Variants in DLG1 observed in about 807,000 individuals in gnomAD.
The protein encoded by DLG1 is disks large homolog 1.
A neutral mutation model predicts 123.4 loss-of-function variants in DLG1; 42 were observed. That is an observed-to-expected ratio of 0.34 (90% confidence interval 0.27 to 0.44). The LOEUF is 0.44. Among genes scored for constraint, DLG1 ranks in the 20% least tolerant of loss-of-function variants. The pLI, the probability that DLG1 is intolerant of heterozygous loss-of-function variation, is 1.00. For synonymous variants in DLG1, 317 were observed against 356.2 expected (o/e 0.89, Z 1.24); for missense variants, 942 against 1,082.6 (o/e 0.87, Z 1.82).
chr3:197,079,380 A>C (rs192712869), intron 17 of DLG1, among the ~76,000 whole-genome samples: 1 of 152,332 alleles, frequency 6.6e-6, no homozygotes, highest in Non-Finnish European at 1.5e-5. Context: ...AAGGAGGAGA[A>C]GTAGGAAATG....
intron 6 of DLG1, among the ~76,000 whole-genome samples, chr3:197,149,298 T>A (rs1308193688): frequency 3.3e-5 from 5 of 152,138 alleles, no homozygotes; most frequent in Admixed American, 2.0e-4. Context: ...TATAATAAAA[T>A]TATGCAACAA....
Position 197,089,284 on chromosome 3 carries a change from T to C in DLG1, c.1661+1628A>G, listed in dbSNP as rs897868989. Reference sequence around the variant, plus strand: ...GGCTCATGCCTGTAATGCCAGCACTTGGGAGGCCAAGGTGGGTGAGGCCCA... The same window carrying C: ...GGCTCATGCCTGTAATGCCAGCACTCGGGAGGCCAAGGTGGGTGAGGCCCA... On this transcript the variant is annotated intron_variant, in intron 15 of 24. Coordinates refer to ENST00000667157, the MANE Select transcript of DLG1 (RefSeq NM_001366207.1). Among the ~76,000 whole-genome samples the C allele has an allele frequency of 1.7e-4, 26 of 152,192 alleles. No individual in the cohort carries two copies. In the Middle Eastern group the frequency reaches 0.014, roughly 80 times the overall value.
At chr3:197,210,659 T>C (rs1352768123) in intron 4 of DLG1, among the ~76,000 whole-genome samples, 1 of 143,052 alleles carries the variant, frequency 7.0e-6, no homozygotes, top group Non-Finnish European at 1.6e-5. Context: ...AAGAAATATA[T>C]TTTCTTTAAT....
At chr3:197,156,202 G>A (rs1359993087) in intron 5 of DLG1, among the ~76,000 whole-genome samples, 1 of 152,172 alleles carries the variant, frequency 6.6e-6, no homozygotes, top group African/African-American at 2.4e-5. Context: ...AGGGGCAGAG[G>A]TTTTGTATAT....
Position 197,088,201 on chromosome 3 carries a change from AAC to A in DLG1, c.1662-2447_1662-2446del, listed in dbSNP as rs1755554069. 3.3e-5 allele frequency among the ~76,000 whole-genome samples: 5 copies of A among 152,318 alleles called. No homozygotes were observed. The South Asian group carries it at 1.0e-3, about 32-fold the overall frequency. Reference sequence around the variant, plus strand: ...CCTAAGAGTGGAAAACAATGAAAGGAACACTGGATATTTAAAGAATGCCTTAT... The same window carrying A: ...CCTAAGAGTGGAAAACAATGAAAGGAACTGGATATTTAAAGAATGCCTTAT... On this transcript the variant is annotated intron_variant, in intron 15 of 24. Transcript: ENST00000667157.
rs537562673 is a variant in DLG1, at chr3:197,113,339, T to C, written c.1443+2588A>G. ...TTCTTTTCCTTGTGTCTACTTGTTC[T>C]ATCAATTAAAGAAGAGGGCATTTAA... On this transcript the variant is annotated intron_variant, in intron 13 of 24. Coordinates refer to ENST00000667157, the MANE Select transcript of DLG1 (RefSeq NM_001366207.1). 4.6e-5 allele frequency among the ~76,000 whole-genome samples: 7 copies of C among 152,324 alleles called. No individual in the cohort carries two copies. The East Asian group carries it at 1.2e-3, about 25-fold the overall frequency.
chr3:197,286,213 G>A (rs773155819), intron 3 of DLG1, among the ~76,000 whole-genome samples: 1 of 152,158 alleles, frequency 6.6e-6, no homozygotes, highest in Non-Finnish European at 1.5e-5. Context: ...GAGTTTGTGT[G>A]GGGGGTGTAG....
chr3:197,101,852 T>C (rs1056747243), intron 14 of DLG1, among the ~76,000 whole-genome samples: 1 of 152,112 alleles, frequency 6.6e-6, no homozygotes, highest in Non-Finnish European at 1.5e-5. Flanking sequence ...AGTGCAGTGG[T>C]GAGATCATAG....
At chr3:197,060,883 T>C (rs999887210) in intron 22 of DLG1, among the ~76,000 whole-genome samples, 10 of 152,224 alleles carry the variant, frequency 6.6e-5, no homozygotes, top group Admixed American at 1.3e-4. Flanking sequence ...TTGAGTGCAG[T>C]GGCATGATCT....
intron 4 of DLG1, among the ~76,000 whole-genome samples, chr3:197,211,504 G>A (rs1561476901): frequency 6.8e-6 from 1 of 146,588 alleles, no homozygotes; most frequent in Non-Finnish European, 1.5e-5. Flanking sequence ...ATCAATAAAT[G>A]TGATTCATCA....
At position 197,051,574 on chromosome 3, in the gene DLG1, A is replaced by C. The variant is rs761644821; in HGVS notation, c.2575+3T>G. ...AAGAGGACTGTTACAACACGGTTCC[A>C]ACCTGTGAAATGTTCAGTAAACTCC... On this transcript the variant is annotated splice_donor_region_variant and intron_variant, in intron 24 of 24. Transcript: ENST00000667157. The C allele has an allele frequency of 2.8e-5, 45 of 1,612,338 alleles. No homozygotes were observed. Among genetic ancestry groups the C allele is most frequent in the Non-Finnish European group, 3.6e-5 (43 of 1,178,554 alleles).
chr3:197,212,916 T>A (rs965950788), intron 4 of DLG1, among the ~76,000 whole-genome samples: 1 of 152,092 alleles, frequency 6.6e-6, no homozygotes. Flanking sequence ...ACTAAATCAC[T>A]GCATATCCGC....
rs974361796 is a variant in DLG1, at chr3:197,194,242, A to G, written c.483+183T>C. On this transcript the variant is annotated intron_variant, in intron 5 of 24. Coordinates refer to ENST00000667157, the MANE Select transcript of DLG1 (RefSeq NM_001366207.1). ...TGACTAACATTCATTTATAAAATAC[A>G]TATTTAAAAATGTTTTCTGGAGTAC... The G allele has an allele frequency of 1.4e-5, 5 of 363,322 alleles. No homozygotes were observed. The East Asian group carries it at 2.0e-4, about 15-fold the overall frequency. 22.5% of individuals were successfully genotyped at this position (363,322 alleles called of 1,614,324 possible).
rs574413583 is a variant in DLG1 at position 197,139,708 on chromosome 3, A to G, written c.713+432T>C. Reference sequence around the variant, plus strand: ...GGATGTGTGATCCTCTATCCTCCGTATCTTAAATAAGTTTATATACATGTT... The same window carrying G: ...GGATGTGTGATCCTCTATCCTCCGTGTCTTAAATAAGTTTATATACATGTT... On this transcript the variant is annotated intron_variant, in intron 8 of 24. Coordinates refer to ENST00000667157, the MANE Select transcript of DLG1 (RefSeq NM_001366207.1). 4.6e-5 allele frequency among the ~76,000 whole-genome samples: 7 copies of G among 152,326 alleles called. No individual in the cohort carries two copies. In the East Asian group the frequency reaches 1.2e-3, roughly 25 times the overall value.
At chr3:197,075,987 C>T in intron 18 of DLG1, 1 of 706,934 alleles carries the variant, frequency 1.4e-6, no homozygotes. Context: ...ATTACAGGTA[C>T]ATATATCTTA....
intron 18 of DLG1, 38 bp downstream of exon 18, chr3:197,076,548 A>G (rs765124056): frequency 6.5e-7 from 1 of 1,530,334 alleles, no homozygotes; most frequent in East Asian, 2.3e-5. Context: ...GTCCCTCTCC[A>G]TTTTATTTTC....
chr3:197,056,719 C>T (rs952578590), intron 23 of DLG1, among the ~76,000 whole-genome samples: 1 of 152,144 alleles, frequency 6.6e-6, no homozygotes, highest in Admixed American at 6.5e-5. Flanking sequence ...TCGTATCATA[C>T]AGCTTGTTAC....
chr3:197,051,460 A>C, intron 24 of DLG1, 117 bp downstream of exon 24: 1 of 750,966 alleles, frequency 1.3e-6, no homozygotes, highest in South Asian at 1.7e-5. Context: ...AGGCTGGATG[A>C]TACTAGTTAC....
intron 14 of DLG1, among the ~76,000 whole-genome samples, chr3:197,101,467 G>A (rs1275772724): frequency 6.6e-6 from 1 of 150,826 alleles, no homozygotes; most frequent in Non-Finnish European, 1.5e-5. Flanking sequence ...CTCACTGCAA[G>A]CTCGGCCTCC....
Sources: gnomAD v4.1 joint callset for allele counts (sites outside exome capture counted in the v4.1 genomes callset) on GRCh38, gnomAD v4.1.1 for gene constraint, MANE v1.5 for transcripts, NCBI Gene and HGNC (gene_info 2026-07-23, HGNC 2026-07-21) for gene names.